TXNRD3: variants seen among roughly 807,000 people sequenced by gnomAD.
TXNRD3 encodes thioredoxin reductase 3.
TXNRD3 carries 68 observed loss-of-function variants against 78.2 expected under a neutral mutation model. The observed-to-expected ratio is 0.87, with a 90% confidence interval of 0.72 to 1.06. The LOEUF is 1.06. Among genes scored for constraint, TXNRD3 ranks in the 50% least tolerant of loss-of-function variants. The probability of loss-of-function intolerance (pLI) is 0.00; values close to 1 mark genes in which losing one functional copy is unlikely to be tolerated. For synonymous variants in TXNRD3, 296 were observed against 300.1 expected, an observed-to-expected ratio of 0.99 and a Z score of 0.14; for missense variants, 751 against 809.5, an observed-to-expected ratio of 0.93 and a Z score of 0.88.
intron 13 of TXNRD3, among the ~76,000 whole-genome samples, chr3:126,612,932 A>C (rs1057191525): frequency 6.6e-6 from 1 of 152,174 alleles, no homozygotes; most frequent in Admixed American, 6.5e-5. Context: ...GAGCATTTGA[A>C]TCCATTTCTG....
At chr3:126,615,852 GC>G (rs1938307626) in intron 12 of TXNRD3, among the ~76,000 whole-genome samples, 1 of 152,202 alleles carries the variant, frequency 6.6e-6, no homozygotes, top group African/African-American at 2.4e-5. Flanking sequence ...CTTGAATTAT[GC>G]TACTTCAGTG....
In TXNRD3 at chr3:126,608,352, C is replaced by A. The variant is rs180677586; in HGVS notation, c.1863+147G>T. 1.9e-4 allele frequency: 178 copies of A among 957,288 alleles called. No homozygotes were observed. In the East Asian group the frequency reaches 5.0e-3, roughly 27 times the overall value. 59.3% of individuals were successfully genotyped at this position (957,288 alleles called of 1,614,324 possible). On this transcript the variant is annotated intron_variant, in intron 15 of 15. Coordinates refer to ENST00000524230, the MANE Select transcript of TXNRD3 (RefSeq NM_052883.3). ...CTCTAGCCTCGATGACAGAGTGAGA[C>A]CCTGTCTGAAAAAAATAAAATGAAA... is the stretch of plus-strand genomic sequence containing the variant.
chr3:126,631,846 T>G lies in TXNRD3; in HGVS notation c.889A>C (p.Thr297Pro), dbSNP rs1938722242. 1 of 1,536,006 alleles carries G rather than the reference T, an allele frequency of 6.5e-7. No homozygotes were observed. The highest frequency in any genetic ancestry group is 1.4e-5 in the African/African-American group (1 of 73,154). Residue 297 changes from threonine (T) to proline (P), a missense_variant, in exon 8 of 16, where the codon ACT (threonine) becomes CCT (proline). By Grantham distance (38) the Thr-to-Pro change is conservative. Transcript: ENST00000524230. ...GTTGCTATGACAAACTGTGCAGCAG[T>G]ATAATAAGTCTCCTGTCCTTTTTTA...
intron 14 of TXNRD3, chr3:126,609,056 T>C: frequency 3.3e-6 from 1 of 303,606 alleles, no homozygotes; most frequent in South Asian, 2.9e-5. Flanking sequence ...CAACATCAAG[T>C]GGAGACAAAG....
chr3:126,614,145 G>T (rs1261061750), intron 13 of TXNRD3, among the ~76,000 whole-genome samples: 1 of 152,092 alleles, frequency 6.6e-6, no homozygotes. Flanking sequence ...TATAAAGAAA[G>T]AAATTATTTT....
At chr3:126,634,346 C>G (rs1422026075) in intron 6 of TXNRD3, among the ~76,000 whole-genome samples, 1 of 152,140 alleles carries the variant, frequency 6.6e-6, no homozygotes, top group African/African-American at 2.4e-5. Flanking sequence ...AGGCAGGAGG[C>G]TCACCTCTCC....
In TXNRD3 at chr3:126,642,058, T is replaced by G; in HGVS notation, c.686A>C (p.Lys229Thr). The change falls in exon 6 of 16, where the codon AAA becomes ACA. Residue 229 changes from lysine to threonine, a missense_variant. By Grantham distance (78) the Lys-to-Thr change is moderately conservative. Transcript: ENST00000524230. ...TTGTTGATTATATTCCCAGCCAAATTTCCTTGAGTCACATAATGCCTGCCC... is the reference window on the plus strand; with the variant it reads ...TTGTTGATTATATTCCCAGCCAAATGTCCTTGAGTCACATAATGCCTGCCC... 1 of 1,535,902 alleles carries G rather than the reference T, an allele frequency of 6.5e-7. No homozygotes were observed. Among genetic ancestry groups the G allele is most frequent in the Non-Finnish European group, 8.7e-7 (1 of 1,146,796 alleles).
At chr3:126,631,326 A>G (rs899804076) in intron 8 of TXNRD3, among the ~76,000 whole-genome samples, 11 of 152,196 alleles carry the variant, frequency 7.2e-5, no homozygotes, top group African/African-American at 2.2e-4. Flanking sequence ...AGTCAGCTCA[A>G]AAAAGTTTGC....
Position 126,610,960 on chromosome 3 carries a change from T to A in TXNRD3, c.1728+77A>T, listed in dbSNP as rs574370478. ...AAGATCCCGTCTCTAAAAAAAAAAATTATAGAAATCCAAATACTAAAAATA... is the reference window on the plus strand; with the variant it reads ...AAGATCCCGTCTCTAAAAAAAAAAAATATAGAAATCCAAATACTAAAAATA... On this transcript the variant is annotated intron_variant, in intron 14 of 15. Transcript: ENST00000524230. 178 of 947,646 alleles carry A rather than the reference T, an allele frequency of 1.9e-4. No homozygotes were observed. The Admixed American group carries it at 2.1e-3, about 11-fold the overall frequency. 58.7% of individuals were successfully genotyped at this position (947,646 alleles called of 1,614,324 possible).
intron 2 of TXNRD3, among the ~76,000 whole-genome samples, 191 bp from the exon 3 acceptor site, chr3:126,646,411 A>G (rs1933234992): frequency 6.6e-6 from 1 of 152,254 alleles, no homozygotes; most frequent in Non-Finnish European, 1.5e-5. Flanking sequence ...CTTAAAAAAT[A>G]AAGATCTACT....
At chr3:126,637,510 T>A (rs1189244357) in intron 6 of TXNRD3, among the ~76,000 whole-genome samples, 1 of 152,194 alleles carries the variant, frequency 6.6e-6, no homozygotes, top group Non-Finnish European at 1.5e-5. Context: ...TACATTTTCC[T>A]GCTATATCAT....
At chr3:126,642,009 A>G (rs1933100342) in intron 6 of TXNRD3, 23 bp downstream of exon 6, 3 of 1,515,742 alleles carry the variant, frequency 2.0e-6, no homozygotes, top group South Asian at 1.3e-5. Context: ...CTCTCAATCT[A>G]TACTTTATGA....
rs1301464885 is a variant in TXNRD3, at chr3:126,607,890, TA to T, written c.*14del. The T allele has an allele frequency of 4.0e-6, 6 of 1,500,982 alleles. No individual in the cohort carries two copies. The highest frequency in any genetic ancestry group is 5.3e-6 in the Non-Finnish European group (6 of 1,121,672). The allele number at this position is 1,500,982 out of a possible 1,614,324, so 93.0% of individuals were successfully genotyped here. ...GAAATGAGAATATGACAAGGAGAAC[TA>T]AACAGCAGCAGGCCTAGCCTCAGCA... is the stretch of plus-strand genomic sequence containing the variant. On this transcript the variant is annotated 3_prime_UTR_variant, in exon 16 of 16. Transcript: ENST00000524230.
At chr3:126,625,261 C>T (rs1411054626) in intron 10 of TXNRD3, 7 of 148,158 alleles carry the variant, frequency 4.7e-5, no homozygotes, top group South Asian at 2.2e-4. Flanking sequence ...CCCATTAACT[C>T]GTCATTTAAC....
chr3:126,634,333 G>A (rs763488225), intron 6 of TXNRD3, among the ~76,000 whole-genome samples: 60 of 152,136 alleles, frequency 3.9e-4, no homozygotes, highest in Non-Finnish European at 7.2e-4. Flanking sequence ...CTGCCACGAC[G>A]TAAGGCAGGA....
intron 1 of TXNRD3, among the ~76,000 whole-genome samples, chr3:126,648,361 T>C (rs1208384656): frequency 3.3e-5 from 5 of 152,144 alleles, no homozygotes. Flanking sequence ...TTTGCAGAAA[T>C]AGAAAAATCC....
rs1938189792 is a variant in TXNRD3 at position 126,611,096 on chromosome 3, C to G, written c.1669G>C (p.Val557Leu). Residue 557 changes from valine to leucine, a missense_variant, in exon 14 of 16, where the codon GTA becomes CTA. Transcript: ENST00000524230. ...CAAGTGTTGTTCTCTCTGCCAGCTACTGTCCATTCAAGAGGCCAGAACAAA... is the reference window on the plus strand; with the variant it reads ...CAAGTGTTGTTCTCTCTGCCAGCTAGTGTCCATTCAAGAGGCCAGAACAAA... 6.5e-7 allele frequency: 1 copy of G among 1,528,474 alleles called. No homozygotes were observed. Among genetic ancestry groups the G allele is most frequent in the Admixed American group, 2.0e-5 (1 of 50,394 alleles). 94.7% of individuals were successfully genotyped at this position (1,528,474 alleles called of 1,614,324 possible).
At chr3:126,621,552 CACA>C (rs1234109025) in intron 12 of TXNRD3, among the ~76,000 whole-genome samples, 187 bp downstream of exon 12, 1 of 152,224 alleles carries the variant, frequency 6.6e-6, no homozygotes, top group Non-Finnish European at 1.5e-5. Context: ...TATCACCCAG[CACA>C]ACATCTTGCA....
intron 10 of TXNRD3, 112 bp downstream of exon 10, chr3:126,629,267 A>C: frequency 1.2e-6 from 1 of 813,304 alleles, no homozygotes; most frequent in Non-Finnish European, 1.9e-6. Context: ...GCTCTTACAA[A>C]GAATAAAAAA....
Sources: allele counts gnomAD v4.1 joint callset (sites outside exome capture counted in the v4.1 genomes callset), GRCh38; gene constraint gnomAD v4.1.1; transcripts MANE v1.5; gene names NCBI Gene and HGNC (gene_info 2026-07-23, HGNC 2026-07-21).